Variants in CACNG2 observed in about 807,000 individuals in gnomAD.
CACNG2 encodes calcium voltage-gated channel auxiliary subunit gamma 2.
Under a neutral mutation model 25.9 loss-of-function variants are expected in CACNG2, and 3 were observed. The ratio of observed to expected loss-of-function variants is 0.12; its 90% CI spans 0.05 to 0.30. CACNG2 has a LOEUF of 0.30. Ranked by LOEUF, CACNG2 falls within the 10% of genes least tolerant of loss-of-function variation. The probability of loss-of-function intolerance (pLI) is 1.00; values close to 1 mark genes in which losing one functional copy is unlikely to be tolerated. For missense variants in CACNG2, 341 were observed against 432.5 expected, an observed-to-expected ratio of 0.79 and a Z score of 1.88; for synonymous variants, 167 against 173.3, an observed-to-expected ratio of 0.96 and a Z score of 0.29.
chr22:36,683,900 T>A (rs547253550), intron 1 of CACNG2, among the ~76,000 whole-genome samples: 1 of 152,184 alleles, frequency 6.6e-6, no homozygotes, highest in South Asian at 2.1e-4. Context: ...CCTTTCTAGA[T>A]GGAGGAATGG....
intron 1 of CACNG2, among the ~76,000 whole-genome samples, chr22:36,658,096 T>A (rs1245509748): frequency 1.3e-5 from 2 of 152,188 alleles, no homozygotes; most frequent in Non-Finnish European, 2.9e-5. Context: ...GGTACTGGTT[T>A]GCATCAGGGC....
intron 1 of CACNG2, among the ~76,000 whole-genome samples, chr22:36,599,634 A>C (rs1416621525): frequency 6.6e-6 from 1 of 152,262 alleles, no homozygotes; most frequent in South Asian, 2.1e-4. Flanking sequence ...TGGGAGGTTG[A>C]GGCTGCAGTG....
At chr22:36,567,239 G>A (rs182158071) in intron 2 of CACNG2, among the ~76,000 whole-genome samples, 2 of 152,332 alleles carry the variant, frequency 1.3e-5, no homozygotes, top group East Asian at 3.9e-4. Flanking sequence ...AGTTTCTGGT[G>A]TCTATAATAA....
intron 1 of CACNG2, among the ~76,000 whole-genome samples, chr22:36,696,292 G>A (rs542950492): frequency 4.7e-4 from 71 of 152,092 alleles, no homozygotes; most frequent in African/African-American, 1.4e-3. Flanking sequence ...TCCTTTATGC[G>A]TTCAGTCTCT....
chr22:36,682,242 C>T (rs917072474), intron 1 of CACNG2, among the ~76,000 whole-genome samples: 3 of 152,192 alleles, frequency 2.0e-5, no homozygotes, highest in Non-Finnish European at 2.9e-5. Flanking sequence ...GTCCCAAACC[C>T]GACTCCCACC....
At chr22:36,634,641 A>G (rs1936327735) in intron 1 of CACNG2, among the ~76,000 whole-genome samples, 1 of 152,238 alleles carries the variant, frequency 6.6e-6, no homozygotes, top group South Asian at 2.1e-4. Flanking sequence ...TCTGGTATAT[A>G]GCAGGGGTTT....
intron 1 of CACNG2, among the ~76,000 whole-genome samples, chr22:36,687,068 T>G (rs1402141080): frequency 6.6e-6 from 1 of 152,180 alleles, no homozygotes; most frequent in South Asian, 2.1e-4. Flanking sequence ...TTTGCCCTTG[T>G]TTTTTTGTGC....
intron 1 of CACNG2, among the ~76,000 whole-genome samples, chr22:36,608,272 G>A (rs1001470294): frequency 5.3e-5 from 8 of 152,220 alleles, no homozygotes; most frequent in East Asian, 1.9e-4. Flanking sequence ...CTCACAGCCC[G>A]AGCTGCCTCT....
At chr22:36,602,678 G>A (rs1056957634) in intron 1 of CACNG2, among the ~76,000 whole-genome samples, 4 of 152,198 alleles carry the variant, frequency 2.6e-5, no homozygotes, top group South Asian at 2.1e-4. Context: ...GAGCCACTGC[G>A]CCCGGACTAC....
intron 1 of CACNG2, among the ~76,000 whole-genome samples, chr22:36,670,880 C>T (rs1028669758): frequency 6.6e-6 from 1 of 151,130 alleles, no homozygotes; most frequent in South Asian, 2.1e-4. Flanking sequence ...GTCCAAAGAG[C>T]AAGGCAGTCA....
chr22:36,702,410 T>C lies in CACNG2; in HGVS notation c.167A>G (p.Glu56Gly). 6.2e-7 allele frequency: 1 copy of C among 1,614,070 alleles called. No homozygotes were observed. The highest frequency in any genetic ancestry group is 8.5e-7 in the Non-Finnish European group (1 of 1,180,002). Residue 56 changes from glutamate (E) to glycine (G), a missense_variant, in exon 1 of 4, where the codon GAA becomes GGA. Physicochemically the swap from Glu to Gly is moderately conservative, Grantham distance 98 (BLOSUM62 -2). Coordinates refer to ENST00000300105, the MANE Select transcript of CACNG2 (RefSeq NM_006078.5). ...SENETSKKNE[E>G]VMTHSGLWRT... ...CCATAATCCGGAATGGGTCATAACT[T>C]CCTCGTTCTTTTTGCTGGTTTCATT...
rs747678850 is a variant in CACNG2 at position 36,615,386 on chromosome 22, G to A, written c.212-27838C>T. On this transcript the variant is annotated intron_variant, in intron 1 of 3. Coordinates refer to ENST00000300105, the MANE Select transcript of CACNG2 (RefSeq NM_006078.5). The stretch of plus-strand genomic sequence containing the variant: ...GTGATGACTGCTACGCTCAACTGCC[G>A]CTTTCCACAATCTGACTGCTCAGCC... Among the ~76,000 whole-genome samples the A allele has an allele frequency of 2.0e-5, 3 of 152,222 alleles. 1 individual carries two copies. The highest frequency in any genetic ancestry group is 4.1e-4 in the South Asian group (2 of 4,826).
chr22:36,674,825 G>A (rs1226857735), intron 1 of CACNG2, among the ~76,000 whole-genome samples: 2 of 152,158 alleles, frequency 1.3e-5, no homozygotes, highest in African/African-American at 2.4e-5. Flanking sequence ...TGAATCCCAG[G>A]CCTCTGCTAA....
intron 1 of CACNG2, among the ~76,000 whole-genome samples, chr22:36,698,303 C>T (rs989956851): frequency 6.6e-6 from 1 of 152,214 alleles, no homozygotes; most frequent in Non-Finnish European, 1.5e-5. Context: ...ATTTCTTATG[C>T]GCTTCCTGTG....
chr22:36,614,832 G>C (rs569595812), intron 1 of CACNG2, among the ~76,000 whole-genome samples: 4 of 152,340 alleles, frequency 2.6e-5, no homozygotes, highest in Admixed American at 6.5e-5. Context: ...TACTAGCTGA[G>C]ATCTGGAATT....
chr22:36,606,245 C>A lies in CACNG2; in HGVS notation c.212-18697G>T, dbSNP rs369960194. Among the ~76,000 whole-genome samples, 2 of 152,192 alleles carry A rather than the reference C, an allele frequency of 1.3e-5. No individual in the cohort carries two copies. Among genetic ancestry groups the A allele is most frequent in the Non-Finnish European group, 2.9e-5 (2 of 68,038 alleles). On this transcript the variant is annotated intron_variant, in intron 1 of 3. Coordinates refer to ENST00000300105, the MANE Select transcript of CACNG2 (RefSeq NM_006078.5). The surrounding 1 kb of genome is among the most constrained non-coding windows in gnomAD (Gnocchi z 5.7). ...ACCCTAGACAAATAATTAATGCAGA[C>A]GACCCAGAATGAAACCACAAGGGCA...
chr22:36,589,730 C>T (rs189915227), intron 1 of CACNG2, among the ~76,000 whole-genome samples: 2 of 152,236 alleles, frequency 1.3e-5, no homozygotes, highest in East Asian at 1.9e-4. Flanking sequence ...GTCCCCACCC[C>T]CATCGTGTCA....
rs1431407771 is a variant in CACNG2, at chr22:36,606,171, G to A, written c.212-18623C>T. On this transcript the variant is annotated intron_variant, in intron 1 of 3. Coordinates refer to ENST00000300105, the MANE Select transcript of CACNG2 (RefSeq NM_006078.5). This position sits in a 1 kb window ranked among gnomAD's most constrained non-coding sequence, Gnocchi z 5.7. ...TGAGCTAGGTTCCACAGCAGAGAAG[G>A]GATCAATACAGACGGATTCCCCGTC... 1.3e-5 allele frequency among the ~76,000 whole-genome samples: 2 copies of A among 152,182 alleles called. No homozygotes were observed. The highest frequency in any genetic ancestry group is 4.8e-5 in the African/African-American group (2 of 41,420).
chr22:36,609,501 G>A (rs1435707801), intron 1 of CACNG2, among the ~76,000 whole-genome samples: 2 of 134,362 alleles, frequency 1.5e-5, no homozygotes, highest in East Asian at 4.6e-4. Flanking sequence ...GTGATCAGGA[G>A]GAATCAACCC....
Sources: allele counts gnomAD v4.1 joint callset (sites outside exome capture counted in the v4.1 genomes callset), GRCh38; gene constraint gnomAD v4.1.1; non-coding constraint Gnocchi (gnomAD v3.1); transcripts MANE v1.5; gene names NCBI Gene and HGNC (gene_info 2026-07-23, HGNC 2026-07-21).